MTA3: variants seen among roughly 807,000 people sequenced by gnomAD.
The protein encoded by MTA3 is metastasis-associated protein MTA3.
A neutral mutation model predicts 83.5 loss-of-function variants in MTA3; 34 were observed. The observed-to-expected ratio is 0.41, with a 90% CI of 0.31 to 0.54. MTA3 has a LOEUF of 0.54. MTA3 is among the 20% of genes least tolerant of loss of function. The pLI, the probability that MTA3 is intolerant of heterozygous loss-of-function variation, is 0.33. For synonymous variants in MTA3, 303 were observed against 252.7 expected, an observed-to-expected ratio of 1.20 and a Z score of -1.89; for missense variants, 761 against 726.4, an observed-to-expected ratio of 1.05 and a Z score of -0.55.
At chr2:42,548,863 T>TATATATA (rs1558428450) in intron 2 of MTA3, among the ~76,000 whole-genome samples, 5 of 11,944 alleles carry the variant, frequency 4.2e-4, no homozygotes, top group South Asian at 4.0e-3. Flanking sequence ...ATATATAATA[T>TATATATA]ATATATATAT....
chr2:42,530,982 A>C (rs2103720272), intron 2 of MTA3, among the ~76,000 whole-genome samples: 1 of 152,188 alleles, frequency 6.6e-6, no homozygotes. Flanking sequence ...GGTGCGCGAC[A>C]CCACAGCTGG....
At position 42,708,039 on chromosome 2, in the gene MTA3, T is replaced by C; in HGVS notation, c.1287T>C (p.Pro429=). The C allele has an allele frequency of 6.2e-7, 1 of 1,609,384 alleles. No homozygotes were observed. The highest frequency in any genetic ancestry group is 1.7e-5 in the Admixed American group (1 of 58,680). Residue 429 remains proline, a synonymous_variant, in exon 13 of 17, where the codon CCT becomes CCC. Transcript: ENST00000405094. ...PTQSEEEKLS[P]SPTTEDPRVR... ...AGTCAGAAGAAGAGAAGTTATCTCC[T>C]AGCCCAACTACAGAGGTACAGTAGT...
intron 6 of MTA3, among the ~76,000 whole-genome samples, chr2:42,650,502 C>T (rs976414507): frequency 1.3e-5 from 2 of 151,894 alleles, no homozygotes; most frequent in East Asian, 1.9e-4. Flanking sequence ...TGCAGTGGCA[C>T]GATCTCGGTT....
At chr2:42,748,201 T>TTGTTTG (rs1669590910) in intron 16 of MTA3, among the ~76,000 whole-genome samples, 1 of 137,618 alleles carries the variant, frequency 7.3e-6, no homozygotes, top group Non-Finnish European at 1.6e-5. Flanking sequence ...GCTAATGTGT[T>TTGTTTG]TGTGTGTGTG....
intron 15 of MTA3, among the ~76,000 whole-genome samples, chr2:42,719,562 C>G (rs1183137913): frequency 6.6e-6 from 1 of 152,150 alleles, no homozygotes; most frequent in Non-Finnish European, 1.5e-5. Context: ...TTTGTAGAGA[C>G]AGGGTCTCGC....
chr2:42,623,207 T>C lies in MTA3; in HGVS notation c.317+13623T>C, dbSNP rs555633434. Among the ~76,000 whole-genome samples, 5 of 152,342 alleles carry C rather than the reference T, an allele frequency of 3.3e-5. No homozygotes were observed. In the South Asian group the frequency reaches 1.0e-3, roughly 32 times the overall value. On this transcript the variant is annotated intron_variant, in intron 4 of 16. Transcript: ENST00000405094. ...TCCAGTAATGGCCAACCCTGATGTT[T>C]ATGCCATACCTGTGAAGGACACCTG... is the stretch of plus-strand genomic sequence containing the variant.
chr2:42,527,203 C>T (rs1675756184), intron 2 of MTA3, among the ~76,000 whole-genome samples: 1 of 151,994 alleles, frequency 6.6e-6, no homozygotes, highest in African/African-American at 2.4e-5. Context: ...TCAACTGAAC[C>T]AACCAATCAG....
intron 3 of MTA3, among the ~76,000 whole-genome samples, chr2:42,605,758 G>C (rs1683241884): frequency 8.0e-6 from 1 of 125,026 alleles, no homozygotes; most frequent in African/African-American, 3.1e-5. Flanking sequence ...TGGCCGGGCA[G>C]AGGGGCTCCT....
At chr2:42,710,461 G>T (rs1666502427) in intron 14 of MTA3, among the ~76,000 whole-genome samples, 1 of 145,246 alleles carries the variant, frequency 6.9e-6, no homozygotes, top group African/African-American at 2.5e-5. Context: ...CAAGGCAGGA[G>T]AATTGCTTTA....
intron 16 of MTA3, among the ~76,000 whole-genome samples, chr2:42,740,912 T>A (rs112790206): frequency 3.3e-5 from 5 of 152,280 alleles, no homozygotes; most frequent in African/African-American, 1.2e-4. Flanking sequence ...AGAGTCAGCC[T>A]GTCCTTTGAA....
At position 42,713,769 on chromosome 2, in the gene MTA3, G is replaced by T. The variant is rs75081796; in HGVS notation, c.1525+4673G>T. Reference sequence around the variant, plus strand: ...CTGTATTGAAAACTGCCTCCTTTTTGTGTCAGCTGCATAATCTATTTTGTT... The same window carrying T: ...CTGTATTGAAAACTGCCTCCTTTTTTTGTCAGCTGCATAATCTATTTTGTT... On this transcript the variant is annotated intron_variant, in intron 14 of 16. Coordinates refer to ENST00000405094, the MANE Select transcript of MTA3 (RefSeq NM_001330442.2). Among the ~76,000 whole-genome samples the T allele has an allele frequency of 8.2e-3, 1,242 of 152,132 alleles. 120 individuals carry two copies. The East Asian group carries it at 0.2, about 25-fold the overall frequency.
intron 3 of MTA3, among the ~76,000 whole-genome samples, chr2:42,599,142 C>T (rs981457951): frequency 1.3e-4 from 20 of 152,174 alleles, no homozygotes; most frequent in South Asian, 2.1e-4. Flanking sequence ...AGTTCCTTTC[C>T]GCAAGTTTTT....
intron 2 of MTA3, among the ~76,000 whole-genome samples, chr2:42,532,237 G>A (rs1203317547): frequency 3.3e-5 from 5 of 152,218 alleles, no homozygotes; most frequent in Non-Finnish European, 7.3e-5. Context: ...TAGGCCGTGT[G>A]CAGTGGCTCA....
intron 3 of MTA3, among the ~76,000 whole-genome samples, chr2:42,598,592 GT>G (rs1274519081): frequency 6.6e-6 from 1 of 151,998 alleles, no homozygotes; most frequent in Non-Finnish European, 1.5e-5. Context: ...TCTTTTGTAT[GT>G]TTTATTTATC....
chr2:42,544,328 C>T lies in MTA3; in HGVS notation c.-140-26109C>T, dbSNP rs551599449. 1.1e-4 allele frequency among the ~76,000 whole-genome samples: 17 copies of T among 151,926 alleles called. 1 individual carries two copies. The highest frequency in any genetic ancestry group is 6.6e-4 in the Admixed American group (10 of 15,222). ...AGGCATGGTGGCACGTGCCTATAGT[C>T]CCAGCTACTCAGGAGGCTGAGGCAG... On this transcript the variant is annotated intron_variant, in intron 2 of 17. Coordinates refer to the MTA3 transcript ENST00000405592.
intron 2 of MTA3, among the ~76,000 whole-genome samples, chr2:42,557,245 C>T (rs1677438810): frequency 6.6e-6 from 1 of 151,576 alleles, no homozygotes; most frequent in Non-Finnish European, 1.5e-5. Flanking sequence ...CGCCACTGCA[C>T]TCCAGCCTGG....
intron 16 of MTA3, among the ~76,000 whole-genome samples, chr2:42,733,635 C>T (rs916683495): frequency 3.3e-5 from 5 of 152,116 alleles, no homozygotes; most frequent in African/African-American, 4.8e-5. Flanking sequence ...CATTCAGGAG[C>T]ATATTGTGTT....
chr2:42,509,622 T>C (rs1674803890), intron 2 of MTA3, among the ~76,000 whole-genome samples: 2 of 151,940 alleles, frequency 1.3e-5, no homozygotes, highest in South Asian at 2.1e-4. Flanking sequence ...AATGCAAAAA[T>C]TAGCCAGGCG....
intron 2 of MTA3, among the ~76,000 whole-genome samples, chr2:42,510,620 G>A (rs911204703): frequency 3.3e-5 from 5 of 152,194 alleles, no homozygotes; most frequent in Non-Finnish European, 7.3e-5. Context: ...CTTCTTTCCT[G>A]TAGTATCTTG....
Sources: allele counts gnomAD v4.1 joint callset (sites outside exome capture counted in the v4.1 genomes callset), GRCh38; gene constraint gnomAD v4.1.1; transcripts MANE v1.5; gene names NCBI Gene and HGNC (gene_info 2026-07-23, HGNC 2026-07-21).